CEP128: variants seen among roughly 807,000 people sequenced by gnomAD.
CEP128 encodes the protein centrosomal protein 128, also known as centrosomal protein 128kDa.
A neutral mutation model predicts 156.7 loss-of-function variants in CEP128; 132 were observed. The observed-to-expected ratio is 0.84, with a 90% CI of 0.73 to 0.97. The LOEUF (loss-of-function observed/expected upper bound fraction) is 0.97, where lower values mean the gene tolerates loss of function less well. Ranked by LOEUF, CEP128 falls within the 50% of genes least tolerant of loss-of-function variation. CEP128 has a pLI of 0.00. For synonymous variants in CEP128, 469 were observed against 448.9 expected, an observed-to-expected ratio of 1.04 and a Z score of -0.57; for missense variants, 1,252 against 1,281.9, an observed-to-expected ratio of 0.98 and a Z score of 0.36.
intron 8 of CEP128, among the ~76,000 whole-genome samples, chr14:80,879,920 T>C (rs77893187): frequency 0.031 from 4,703 of 152,228 alleles, 238 homozygotes; most frequent in African/African-American, 0.11. Context: ...GTAGTAAGAA[T>C]ATCAAAATTT....
intron 19 of CEP128, among the ~76,000 whole-genome samples, chr14:80,727,013 A>C: frequency 6.6e-6 from 1 of 152,172 alleles, no homozygotes; most frequent in Non-Finnish European, 1.5e-5. Flanking sequence ...TTTGGGTGGA[A>C]TTAGAGCTGT....
At chr14:80,710,643 G>C (rs1462807054) in intron 19 of CEP128, among the ~76,000 whole-genome samples, 1 of 151,936 alleles carries the variant, frequency 6.6e-6, no homozygotes, top group Non-Finnish European at 1.5e-5. Flanking sequence ...CCTAAAACAT[G>C]ACAATCAAAT....
At chr14:80,698,410 G>A (rs1481953473) in intron 19 of CEP128, among the ~76,000 whole-genome samples, 1 of 152,044 alleles carries the variant, frequency 6.6e-6, no homozygotes, top group Non-Finnish European at 1.5e-5. Context: ...GCCCTATGAA[G>A]AACATGTGAA....
intron 19 of CEP128, among the ~76,000 whole-genome samples, chr14:80,587,912 T>C (rs1891886547): frequency 6.6e-6 from 1 of 152,170 alleles, no homozygotes; most frequent in African/African-American, 2.4e-5. Flanking sequence ...TTTAAATTAA[T>C]TGGGCTGGGA....
At chr14:80,676,779 C>T (rs1470434067) in intron 19 of CEP128, among the ~76,000 whole-genome samples, 2 of 152,086 alleles carry the variant, frequency 1.3e-5, no homozygotes, top group Non-Finnish European at 2.9e-5. Context: ...GCAATTATTA[C>T]CATAATCATG....
chr14:80,953,664 C>T (rs994494718), intron 2 of CEP128, among the ~76,000 whole-genome samples: 5 of 152,156 alleles, frequency 3.3e-5, no homozygotes, highest in African/African-American at 7.2e-5. Context: ...GTTTAACATT[C>T]GAAAATCGAT....
downstream of CEP128, among the ~76,000 whole-genome samples, chr14:80,494,291 C>A (rs939879595): frequency 6.6e-6 from 1 of 152,032 alleles, no homozygotes; most frequent in African/African-American, 2.4e-5. Flanking sequence ...CATTTGAAGG[C>A]CATGAAAATC....
At chr14:80,692,758 A>G (rs1425223314) in intron 19 of CEP128, among the ~76,000 whole-genome samples, 1 of 152,184 alleles carries the variant, frequency 6.6e-6, no homozygotes, top group Non-Finnish European at 1.5e-5. Context: ...TTACAACATG[A>G]TTCTTCACAG....
At chr14:80,835,502 G>A (rs1490643647) in intron 12 of CEP128, among the ~76,000 whole-genome samples, 2 of 152,084 alleles carry the variant, frequency 1.3e-5, no homozygotes, top group African/African-American at 2.4e-5. Flanking sequence ...CCAATACTTT[G>A]AGCATTTGAG....
chr14:80,890,801 A>G (rs773195461), intron 8 of CEP128, among the ~76,000 whole-genome samples: 1 of 152,158 alleles, frequency 6.6e-6, no homozygotes. Flanking sequence ...AATTAAAAAT[A>G]AAAATAAAAA....
chr14:80,701,243 T>G (rs117440587), intron 19 of CEP128, among the ~76,000 whole-genome samples: 1 of 152,032 alleles, frequency 6.6e-6, no homozygotes, highest in Non-Finnish European at 1.5e-5. Flanking sequence ...GCAAGGGAAG[T>G]AGAGGCAGCT....
intron 9 of CEP128, among the ~76,000 whole-genome samples, chr14:80,854,055 T>C (rs1425774904): frequency 6.6e-6 from 1 of 152,110 alleles, no homozygotes; most frequent in African/African-American, 2.4e-5. Context: ...ATAGGCACTG[T>C]ATGTAAGCAC....
chr14:80,743,086 C>T lies in CEP128; in HGVS notation c.2795G>A (p.Arg932His), dbSNP rs772449789. The T allele has an allele frequency of 1.5e-5, 24 of 1,612,938 alleles. No homozygotes were observed. The highest frequency in any genetic ancestry group is 6.7e-5 in the East Asian group (3 of 44,862). The change falls in exon 19 of 25, where the codon CGT (arginine) becomes CAT (histidine). Residue 932 changes from arginine (R) to histidine (H), a missense_variant. Transcript: ENST00000555265. ...CAACTAACACACACCTCTCTTCTCA[C>T]GATGTATTTCATCCAGAAGCTGCTC... ...RQEQLLDEIH[R>H]EKRDLLEETQ...
At chr14:80,904,066 C>T (rs1461249727) in intron 6 of CEP128, among the ~76,000 whole-genome samples, 2 of 152,114 alleles carry the variant, frequency 1.3e-5, no homozygotes, top group Non-Finnish European at 2.9e-5. Flanking sequence ...TTATTCACAA[C>T]AGCCAAGATC....
intron 19 of CEP128, among the ~76,000 whole-genome samples, chr14:80,613,688 C>A (rs1009001890): frequency 2.0e-5 from 3 of 152,038 alleles, no homozygotes; most frequent in Non-Finnish European, 1.5e-5. Context: ...GCCTTTTCCC[C>A]ATCTCCCTAT....
At chr14:80,888,213 G>C (rs896685981) in intron 8 of CEP128, among the ~76,000 whole-genome samples, 1 of 152,094 alleles carries the variant, frequency 6.6e-6, no homozygotes, top group African/African-American at 2.4e-5. Flanking sequence ...AAGAGGAGCT[G>C]GTATCATTCC....
exon 15 of CEP128, chr14:80,478,137 T>G (rs112166405): frequency 6.6e-6 from 1 of 152,258 alleles, no homozygotes; most frequent in South Asian, 2.1e-4. Context: ...GTGTATACCC[T>G]GTATTTGATA....
intron 20 of CEP128, among the ~76,000 whole-genome samples, chr14:80,569,799 A>G (rs1266204285): frequency 2.6e-5 from 4 of 152,206 alleles, no homozygotes; most frequent in African/African-American, 7.2e-5. Context: ...AAGCAAGGAT[A>G]ATATTGCATA....
At position 80,925,938 on chromosome 14, in the gene CEP128, T is replaced by A. The variant is rs114363971; in HGVS notation, c.-15-9376A>T. ...GGTGCTACTTAGTGAGCAGTGAGGT[T>A]TTATGAAAAGGAGCAGCATCGAACC... On this transcript the variant is annotated intron_variant, in intron 2 of 24. Coordinates refer to ENST00000555265, the MANE Select transcript of CEP128 (RefSeq NM_152446.5). Among the ~76,000 whole-genome samples, 1,227 of 152,078 alleles carry A rather than the reference T, an allele frequency of 8.1e-3. 19 individuals carry two copies. Among genetic ancestry groups the A allele is most frequent in the African/African-American group, 0.028 (1,150 of 41,450 alleles).
Sources: allele counts gnomAD v4.1 joint callset (sites outside exome capture counted in the v4.1 genomes callset), GRCh38; gene constraint gnomAD v4.1.1; transcripts MANE v1.5; gene names NCBI Gene and HGNC (gene_info 2026-07-23, HGNC 2026-07-21).